AUTS2: variants seen among roughly 807,000 people sequenced by gnomAD.
The protein encoded by AUTS2 is activator of transcription and developmental regulator AUTS2.
A neutral mutation model predicts 112.4 loss-of-function variants in AUTS2; 17 were observed. That is an observed-to-expected ratio of 0.15 (90% CI 0.10 to 0.23). The LOEUF (loss-of-function observed/expected upper bound fraction) is 0.23. AUTS2 is among the 10% of genes least tolerant of loss of function. AUTS2 has a pLI of 1.00. For synonymous variants in AUTS2, 751 were observed against 702.7 expected (o/e 1.07, Z -1.09); for missense variants, 1,510 against 1,701.6 (o/e 0.89, Z 1.98).
chr7:70,621,633 A>T (rs557500281), intron 5 of AUTS2, among the ~76,000 whole-genome samples: 176 of 152,242 alleles, frequency 1.2e-3, no homozygotes, highest in Non-Finnish European at 1.9e-3. Flanking sequence ...GCAGGATATT[A>T]GATTGAGAAA....
chr7:70,053,709 T>A (rs960766189), intron 2 of AUTS2, among the ~76,000 whole-genome samples: 1 of 152,072 alleles, frequency 6.6e-6, no homozygotes, highest in African/African-American at 2.4e-5. Context: ...TCAGCTAGTT[T>A]ATTATTTTTA....
At chr7:70,261,766 G>C (rs1787179303) in intron 4 of AUTS2, among the ~76,000 whole-genome samples, 1 of 152,120 alleles carries the variant, frequency 6.6e-6, no homozygotes, top group South Asian at 2.1e-4. Flanking sequence ...TGAAGGACTT[G>C]AATAAGTGAA....
At chr7:70,061,849 G>A (rs956660401) in intron 2 of AUTS2, among the ~76,000 whole-genome samples, 11 of 151,158 alleles carry the variant, frequency 7.3e-5, no homozygotes, top group Admixed American at 5.3e-4. Flanking sequence ...CTGCAATGGC[G>A]TGATCTCAGG....
intron 5 of AUTS2, among the ~76,000 whole-genome samples, chr7:70,487,706 C>T (rs1350357448): frequency 6.6e-6 from 1 of 152,128 alleles, no homozygotes; most frequent in East Asian, 1.9e-4. Flanking sequence ...TTCCATCTCT[C>T]CTGGGGACTG....
chr7:69,668,599 A>C (rs1424719531), intron 1 of AUTS2, among the ~76,000 whole-genome samples: 1 of 152,186 alleles, frequency 6.6e-6, no homozygotes, highest in Non-Finnish European at 1.5e-5. Flanking sequence ...CCTAGCAACC[A>C]ATTTGCTTAT....
At chr7:70,422,044 A>G (rs145880762) in intron 4 of AUTS2, among the ~76,000 whole-genome samples, 175 of 152,332 alleles carry the variant, frequency 1.1e-3, no homozygotes, top group African/African-American at 3.9e-3. Flanking sequence ...TGTTATGAGT[A>G]TGAGGAATTC....
At chr7:70,499,059 C>T (rs562353660) in intron 5 of AUTS2, among the ~76,000 whole-genome samples, 8 of 152,262 alleles carry the variant, frequency 5.3e-5, no homozygotes, top group Admixed American at 5.2e-4. Flanking sequence ...CTCACTTCTA[C>T]CGTGTTGAGT....
intron 4 of AUTS2, among the ~76,000 whole-genome samples, chr7:70,242,111 T>C (rs572080124): frequency 1.3e-5 from 2 of 152,302 alleles, no homozygotes; most frequent in South Asian, 4.1e-4. Context: ...CCAGACACAG[T>C]GGCAACATAG....
chr7:70,205,574 G>A (rs986332627), intron 4 of AUTS2, among the ~76,000 whole-genome samples: 9 of 152,184 alleles, frequency 5.9e-5, no homozygotes, highest in Non-Finnish European at 1.2e-4. Context: ...ATTCAGTACA[G>A]TAACATGCTG....
At chr7:69,795,730 A>T (rs575185780) in intron 1 of AUTS2, among the ~76,000 whole-genome samples, 17 of 152,178 alleles carry the variant, frequency 1.1e-4, no homozygotes, top group Admixed American at 3.9e-4. Context: ...TTAATTAGTA[A>T]TCAGAAATAT....
chr7:70,294,501 A>G (rs1260621339), intron 4 of AUTS2, among the ~76,000 whole-genome samples: 1 of 152,158 alleles, frequency 6.6e-6, no homozygotes, highest in African/African-American at 2.4e-5. Context: ...GTTATTGGAA[A>G]GTATAGTTAT....
intron 1 of AUTS2, among the ~76,000 whole-genome samples, chr7:69,775,129 A>G (rs1788835553): frequency 6.6e-6 from 1 of 152,060 alleles, no homozygotes; most frequent in Non-Finnish European, 1.5e-5. Context: ...GTAAATTGTG[A>G]TGCTGGGTTA....
chr7:70,485,977 A>C, intron 5 of AUTS2, among the ~76,000 whole-genome samples: 1 of 151,258 alleles, frequency 6.6e-6, no homozygotes, highest in African/African-American at 2.4e-5. Flanking sequence ...TGAAGAAAAA[A>C]ACCTTAATTA....
At chr7:70,483,994 G>C (rs868243035) in intron 5 of AUTS2, among the ~76,000 whole-genome samples, 15 of 152,148 alleles carry the variant, frequency 9.9e-5, no homozygotes, top group Admixed American at 6.5e-4. Flanking sequence ...AGGGGCAAAA[G>C]CTTGGGTATA....
At chr7:70,724,180 C>A (rs1786871262) in intron 6 of AUTS2, among the ~76,000 whole-genome samples, 1 of 152,146 alleles carries the variant, frequency 6.6e-6, no homozygotes, top group Admixed American at 6.5e-5. Context: ...GCGTGAGCCA[C>A]CCCATTTGGC....
intron 4 of AUTS2, among the ~76,000 whole-genome samples, chr7:70,284,288 A>G (rs1788358895): frequency 6.6e-6 from 1 of 152,184 alleles, no homozygotes; most frequent in Admixed American, 6.5e-5. Context: ...ATTGATGGAC[A>G]TTTAGATTGG....
At chr7:70,464,837 G>A (rs769057717) in intron 5 of AUTS2, among the ~76,000 whole-genome samples, 4 of 152,074 alleles carry the variant, frequency 2.6e-5, no homozygotes, top group East Asian at 1.9e-4. Context: ...TTTTCATGTC[G>A]GTTATTCTGG....
intron 5 of AUTS2, among the ~76,000 whole-genome samples, chr7:70,685,111 A>C (rs1434334959): frequency 6.6e-6 from 1 of 152,104 alleles, no homozygotes; most frequent in Non-Finnish European, 1.5e-5. Context: ...ACTCAGTCCT[A>C]GAATAGCAGC....
At chr7:69,991,494 C>T (rs1798740589) in intron 2 of AUTS2, among the ~76,000 whole-genome samples, 1 of 152,126 alleles carries the variant, frequency 6.6e-6, no homozygotes, top group Admixed American at 6.5e-5. Context: ...CACTGTATCC[C>T]AAATTGACAC....
Sources: allele counts gnomAD v4.1 joint callset (sites outside exome capture counted in the v4.1 genomes callset), GRCh38; gene constraint gnomAD v4.1.1; transcripts MANE v1.5; gene names NCBI Gene and HGNC (gene_info 2026-07-23, HGNC 2026-07-21).